The following TMEM9 variants were observed in gnomAD, a reference collection of about 807,000 sequenced individuals.
TMEM9 encodes the protein transmembrane protein 9.
Under a neutral mutation model 22.8 loss-of-function variants are expected in TMEM9, and 13 were observed. The ratio of observed to expected loss-of-function variants is 0.57; its 90% CI spans 0.37 to 0.91. The LOEUF is 0.91. Among genes scored for constraint, TMEM9 ranks in the 40% least tolerant of loss-of-function variants. The pLI, the probability that TMEM9 is intolerant of heterozygous loss-of-function variation, is 0.01. For missense variants in TMEM9, 182 were observed against 238.1 expected (o/e 0.76, Z 1.55); for synonymous variants, 88 against 93.0 (o/e 0.95, Z 0.31).
At chr1:201,150,655 TCA>T (rs1665352665) in intron 2 of TMEM9, among the ~76,000 whole-genome samples, 1 of 152,196 alleles carries the variant, frequency 6.6e-6, no homozygotes, top group South Asian at 2.1e-4. Flanking sequence ...ACCGACAGTC[TCA>T]GAGTTGGAAA....
intron 1 of TMEM9, among the ~76,000 whole-genome samples, chr1:201,169,459 G>T (rs1035523680): frequency 2.6e-5 from 4 of 152,136 alleles, no homozygotes; most frequent in Non-Finnish European, 5.9e-5. Context: ...TCCATGTTAC[G>T]GACACATGCT....
intron 1 of TMEM9, chr1:201,171,469 C>A (rs1666208881): frequency 6.6e-6 from 1 of 152,238 alleles, no homozygotes; most frequent in African/African-American, 2.4e-5. Flanking sequence ...ATAAACACTT[C>A]ACACGAGAGA....
chr1:201,151,743 C>T lies in TMEM9; in HGVS notation c.158+18G>A, dbSNP rs774103065. 7.5e-6 allele frequency: 12 copies of T among 1,599,534 alleles called. No individual in the cohort carries two copies. Among genetic ancestry groups the T allele is most frequent in the Non-Finnish European group, 1.7e-6 (2 of 1,166,892 alleles). On this transcript the variant is annotated intron_variant, in intron 2 of 4. Transcript: ENST00000367330. ...TCAACTGGGTATAGCAGCCAGGGGC[C>T]TGCGTGTAATGCCTTACCAGTCCTT... is the stretch of plus-strand genomic sequence containing the variant.
At chr1:201,163,469 A>G (rs1280486709) in intron 1 of TMEM9, among the ~76,000 whole-genome samples, 1 of 152,028 alleles carries the variant, frequency 6.6e-6, no homozygotes, top group Non-Finnish European at 1.5e-5. Context: ...GTGTGCCTGT[A>G]GTCCCAGCTA....
At chr1:201,158,812 G>C (rs1014222987), upstream of TMEM9, among the ~76,000 whole-genome samples, 5 of 152,140 alleles carry the variant, frequency 3.3e-5, no homozygotes, top group Non-Finnish European at 7.4e-5. Flanking sequence ...GTTCATACCT[G>C]CTTTTATCCA....
rs768269942 is a variant in TMEM9, at chr1:201,143,798, T to G, written c.399+22A>C. The G allele has an allele frequency of 4.3e-6, 7 of 1,612,796 alleles. No homozygotes were observed. In the Admixed American group the frequency reaches 1.2e-4, roughly 27 times the overall value. On this transcript the variant is annotated intron_variant, in intron 4 of 4. Transcript: ENST00000367330. ...GACGCACATGCAGGGACCCAGGGCC[T>G]GGGCACTCAAAGCCCTCTTACCTCA...
chr1:201,152,165 T>G (rs1249689365), intron 1 of TMEM9, among the ~76,000 whole-genome samples: 1 of 92,430 alleles, frequency 1.1e-5, no homozygotes, highest in East Asian at 3.3e-4. Flanking sequence ...GAAATGGGTG[T>G]GTGTGTGTGT....
intron 2 of TMEM9, 90 bp downstream of exon 2, chr1:201,151,671 C>T (rs568656005): frequency 2.2e-6 from 2 of 911,338 alleles, no homozygotes; most frequent in South Asian, 2.8e-5. Context: ...AATGGGAGAG[C>T]ATGCTTATCC....
chr1:201,164,029 G>A (rs767659931), intron 1 of TMEM9, among the ~76,000 whole-genome samples: 7 of 152,182 alleles, frequency 4.6e-5, no homozygotes, highest in Non-Finnish European at 5.9e-5. Context: ...TGTCTGTACC[G>A]TGAAATAGAA....
intron 4 of TMEM9, among the ~76,000 whole-genome samples, chr1:201,139,718 T>C (rs1302645911): frequency 6.6e-6 from 1 of 152,196 alleles, no homozygotes; most frequent in African/African-American, 2.4e-5. Flanking sequence ...TATTAACACC[T>C]GATTGAAATA....
intron 4 of TMEM9, among the ~76,000 whole-genome samples, chr1:201,138,412 T>C (rs1176963127): frequency 6.6e-6 from 1 of 152,236 alleles, no homozygotes; most frequent in African/African-American, 2.4e-5. Context: ...TCCACATCTG[T>C]TTCAGAGACA....
At chr1:201,154,701 G>A (rs942709), upstream of TMEM9, among the ~76,000 whole-genome samples, 138,480 of 152,196 alleles carry the variant, frequency 0.91, 63,220 homozygotes, top group South Asian at 0.96. Context: ...CTCCCACTGC[G>A]GTGCTTCTCC....
chr1:201,156,875 AC>A (rs1665810978), upstream of TMEM9, among the ~76,000 whole-genome samples: 8 of 152,196 alleles, frequency 5.3e-5, no homozygotes, highest in Admixed American at 5.2e-4. Flanking sequence ...ATCACATGCA[AC>A]TCTGCTTTCA....
chr1:201,167,251 C>T (rs74136336), intron 1 of TMEM9, among the ~76,000 whole-genome samples: 1,712 of 152,258 alleles, frequency 0.011, 31 homozygotes, highest in African/African-American at 0.039. Flanking sequence ...GCCACGCGGG[C>T]GACAGAGTTA....
chr1:201,151,670 G>C (rs1216481006), intron 2 of TMEM9, 91 bp downstream of exon 2: 1 of 904,324 alleles, frequency 1.1e-6, no homozygotes, highest in Non-Finnish European at 1.8e-6. Context: ...GAATGGGAGA[G>C]CATGCTTATC....
chr1:201,162,168 A>G (rs1316597629), intron 1 of TMEM9, among the ~76,000 whole-genome samples: 2 of 149,872 alleles, frequency 1.3e-5, no homozygotes, highest in African/African-American at 2.5e-5. Context: ...AATATGCCCA[A>G]TTGATTTTTT....
chr1:201,153,342 T>G (rs1159641324), intron 1 of TMEM9, among the ~76,000 whole-genome samples: 1 of 152,218 alleles, frequency 6.6e-6, no homozygotes, highest in Non-Finnish European at 1.5e-5. Flanking sequence ...CGCCTTTGCT[T>G]TCTGATGGTT....
chr1:201,140,534 G>C (rs1218790245), intron 4 of TMEM9, among the ~76,000 whole-genome samples: 3 of 152,176 alleles, frequency 2.0e-5, no homozygotes, highest in Non-Finnish European at 2.9e-5. Flanking sequence ...TCCATGAACG[G>C]GGCTGAGGCT....
chr1:201,158,554 C>T (rs960138981), upstream of TMEM9, among the ~76,000 whole-genome samples: 73 of 93,724 alleles, frequency 7.8e-4, no homozygotes, highest in Non-Finnish European at 1.1e-4. Context: ...CCAGGACAAG[C>T]GAATGGGAAA....
Sources: allele counts gnomAD v4.1 joint callset (sites outside exome capture counted in the v4.1 genomes callset), GRCh38; gene constraint gnomAD v4.1.1; transcripts MANE v1.5; gene names NCBI Gene and HGNC (gene_info 2026-07-23, HGNC 2026-07-21).